Variants in EP400 observed in about 807,000 individuals in gnomAD.
The protein encoded by EP400 is E1A-binding protein p400.
In EP400, 105 loss-of-function variants were observed where a neutral mutation model predicts 354.1. That is an observed-to-expected ratio of 0.30 (90% CI 0.25 to 0.35). The LOEUF is 0.35. EP400 is among the 10% of genes least tolerant of loss of function. The pLI, the probability that EP400 is intolerant of heterozygous loss-of-function variation, is 1.00. For synonymous variants in EP400, 1,646 were observed against 1,716.9 expected (o/e 0.96, Z 1.02); for missense variants, 3,280 against 4,121.0 (o/e 0.80, Z 5.59).
intron 15 of EP400, 149 bp from the exon 16 acceptor site, chr12:132,011,349 C>T (rs1290530281): frequency 3.1e-6 from 3 of 953,514 alleles, no homozygotes; most frequent in Non-Finnish European, 4.7e-6. Context: ...CAGATGAATG[C>T]ACTTGTTCCC....
intron 12 of EP400, among the ~76,000 whole-genome samples, chr12:132,002,469 G>A (rs1017724772): frequency 2.0e-5 from 3 of 152,246 alleles, no homozygotes; most frequent in African/African-American, 7.2e-5. Context: ...TACTCTGTGG[G>A]GCAGAGTTTG....
In EP400 at chr12:131,982,109, G is replaced by T; in HGVS notation, c.1560G>T (p.Thr520=). 2.0e-6 allele frequency: 3 copies of T among 1,520,138 alleles called. No homozygotes were observed. Among genetic ancestry groups the T allele is most frequent in the Admixed American group, 4.3e-5 (2 of 46,142 alleles). The allele number at this position is 1,520,138 out of a possible 1,614,324, so 94.2% of individuals were successfully genotyped here. A position where few individuals can be genotyped will look rare whatever the true frequency, so the allele number is the denominator to read the frequency against. ...MPTAQGGMPP[T]PQAAQLAGQR... is the part of the protein sequence containing the mutation. ...ATTTTGCAGGAGGAATGCCCCCCAC[G>T]CCGCAGGCCGCGCAGCTCGCTGGAC... Residue 520 remains threonine, a synonymous_variant, in exon 5 of 53, where the codon ACG becomes ACT. Transcript: ENST00000389561.
chr12:132,020,340 C>T (rs1273076929), intron 22 of EP400, 122 bp downstream of exon 22: 23 of 1,169,228 alleles, frequency 2.0e-5, no homozygotes, highest in Admixed American at 6.3e-5. Flanking sequence ...AGGCACCACC[C>T]GCTGGCTTTC....
chr12:131,995,015 T>C (rs769227066), intron 12 of EP400, 59 bp downstream of exon 12: 6 of 1,482,160 alleles, frequency 4.0e-6, no homozygotes, highest in Middle Eastern at 1.7e-4. Flanking sequence ...TTAAAACATG[T>C]GAGATGTGAA....
chr12:131,974,516 A>G (rs911169335), intron 2 of EP400, among the ~76,000 whole-genome samples: 7 of 152,140 alleles, frequency 4.6e-5, no homozygotes, highest in Non-Finnish European at 8.8e-5. Context: ...AATACCATCA[A>G]TCTGTCCTTT....
rs1239594747 is a variant in EP400 at position 131,982,124 on chromosome 12, G to C, written c.1575G>C (p.Gln525His). The change falls in exon 5 of 53, where the codon CAG (glutamine) becomes CAC (histidine). Residue 525 changes from glutamine to histidine, a missense_variant. Physicochemically the swap from Gln to His is conservative, Grantham distance 24 (BLOSUM62 0). Transcript: ENST00000389561. ...GGMPPTPQAA[Q>H]LAGQRQSQQQ... Reference sequence around the variant, plus strand: ...TGCCCCCCACGCCGCAGGCCGCGCAGCTCGCTGGACAGAGGCAGAGTCAGC... The same window carrying C: ...TGCCCCCCACGCCGCAGGCCGCGCACCTCGCTGGACAGAGGCAGAGTCAGC... The C allele has an allele frequency of 6.4e-7, 1 of 1,553,122 alleles. No homozygotes were observed. The highest frequency in any genetic ancestry group is 1.2e-5 in the South Asian group (1 of 85,434).
chr12:131,962,469 A>G (rs934473609), intron 2 of EP400, among the ~76,000 whole-genome samples: 3 of 152,372 alleles, frequency 2.0e-5, no homozygotes, highest in East Asian at 1.9e-4. Flanking sequence ...ATAACCAGCC[A>G]TAAGTCACTA....
intron 45 of EP400, among the ~76,000 whole-genome samples, chr12:132,058,395 C>T (rs1442930958): frequency 6.7e-6 from 1 of 148,156 alleles, no homozygotes; most frequent in Non-Finnish European, 1.5e-5. Context: ...CTCCCTGTCA[C>T]CCAGGCTAAA....
rs371912460 is a variant in EP400, at chr12:132,025,746, C to T, written c.4956C>T (p.Gly1652=). ...TGTCTCAGGCGGGCGCTGTGCACGGCGCCCTGGGAAGCAAGCCCCCGGCCG... is the reference window on the plus strand; with the variant it reads ...TGTCTCAGGCGGGCGCTGTGCACGGTGCCCTGGGAAGCAAGCCCCCGGCCG... ...QTVSQAGAVH[G]ALGSKPPAGG... Residue 1652 remains glycine, a synonymous_variant, in exon 25 of 53, where the codon GGC becomes GGT. Coordinates refer to ENST00000389561, the MANE Select transcript of EP400 (RefSeq NM_015409.5). The surrounding 1 kb of genome is among the most constrained non-coding windows in gnomAD (Gnocchi z 4.1). The T allele has an allele frequency of 2.0e-5, 33 of 1,612,486 alleles. No individual in the cohort carries two copies. The highest frequency in any genetic ancestry group is 2.0e-4 in the South Asian group (18 of 90,954).
chr12:132,067,576 T>G lies in EP400; in HGVS notation c.8874+90T>G, dbSNP rs1039339497. 2 of 1,520,852 alleles carry G rather than the reference T, an allele frequency of 1.3e-6. No individual in the cohort carries two copies. Among genetic ancestry groups the G allele is most frequent in the African/African-American group, 2.8e-5 (2 of 72,624 alleles). 94.2% of individuals were successfully genotyped at this position (1,520,852 alleles called of 1,614,324 possible). On this transcript the variant is annotated intron_variant, in intron 50 of 52. Coordinates refer to ENST00000389561, the MANE Select transcript of EP400 (RefSeq NM_015409.5). The surrounding 1 kb of genome is among the most constrained non-coding windows in gnomAD (Gnocchi z 5.3). ...AGGGTCCTAAGCAGACAAATCCCCA[T>G]GTGGCGGCTCACGCTTTTCAGAGGG...
chr12:132,003,174 C>T (rs115814769), intron 12 of EP400, among the ~76,000 whole-genome samples: 6,824 of 149,076 alleles, frequency 0.046, 180 homozygotes, highest in African/African-American at 0.071. Flanking sequence ...AGCAAGACCC[C>T]ATCTCTAAAA....
At chr12:131,977,413 G>A (rs1304448303) in intron 2 of EP400, among the ~76,000 whole-genome samples, 3 of 151,594 alleles carry the variant, frequency 2.0e-5, no homozygotes, top group Admixed American at 6.6e-5. Flanking sequence ...GATTACAGGC[G>A]TGAGCCACCA....
intron 52 of EP400, 27 bp from the exon 53 acceptor site, chr12:132,077,372 ATG>A: frequency 6.3e-7 from 1 of 1,595,344 alleles, no homozygotes; most frequent in Non-Finnish European, 8.6e-7. Flanking sequence ...TTCCTGGGCA[ATG>A]TGTGTTTTCT....
At chr12:132,046,732 A>G (rs1895110102) in intron 39 of EP400, among the ~76,000 whole-genome samples, 1 of 152,174 alleles carries the variant, frequency 6.6e-6, no homozygotes, top group African/African-American at 2.4e-5. Flanking sequence ...GGCTTTCTTC[A>G]GGCAGCTCCT....
chr12:132,069,427 G>A, intron 50 of EP400, 68 bp from the exon 51 acceptor site: 2 of 1,576,174 alleles, frequency 1.3e-6, no homozygotes, highest in Non-Finnish European at 1.7e-6. Flanking sequence ...GCCCAGAGCG[G>A]GCAGGCGTCC....
At chr12:131,959,695 C>G (rs574245762) in intron 1 of EP400, among the ~76,000 whole-genome samples, 1 of 152,346 alleles carries the variant, frequency 6.6e-6, no homozygotes, top group African/African-American at 2.4e-5. Context: ...CTCCTTCTCT[C>G]TCCCTTGAGA....
In EP400 at chr12:131,990,511, C is replaced by A; in HGVS notation, c.2551-125C>A. ...TAGTATGAAATAAATGAAAAAGCACCAAACTGACGAGGCTGGAAAACACTG... is the reference window on the plus strand; with the variant it reads ...TAGTATGAAATAAATGAAAAAGCACAAAACTGACGAGGCTGGAAAACACTG... On this transcript the variant is annotated intron_variant, in intron 8 of 52. Coordinates refer to ENST00000389561, the MANE Select transcript of EP400 (RefSeq NM_015409.5). The surrounding 1 kb of genome is among the most constrained non-coding windows in gnomAD (Gnocchi z 4.2). 1.4e-6 allele frequency: 1 copy of A among 709,382 alleles called. No homozygotes were observed. Among genetic ancestry groups the A allele is most frequent in the Non-Finnish European group, 2.3e-6 (1 of 427,074 alleles). The allele number at this position is 709,382 out of a possible 1,614,324, so 43.9% of individuals were successfully genotyped here.
At position 132,062,167 on chromosome 12, in the gene EP400, G is replaced by T; in HGVS notation, c.7942G>T (p.Val2648Phe). 1 of 1,614,066 alleles carries T rather than the reference G, an allele frequency of 6.2e-7. No homozygotes were observed. The highest frequency in any genetic ancestry group is 1.7e-5 in the Admixed American group (1 of 60,014). Residue 2648 changes from valine to phenylalanine, a missense_variant, in exon 46 of 53, where the codon GTC becomes TTC. By Grantham distance (50) the Val-to-Phe change is conservative. Transcript: ENST00000389561. ...VVHTQPPPRAVGSPATATPDL... is the reference protein window; with the variant it reads ...VVHTQPPPRAFGSPATATPDL... ...GCACACCCAGCCCCCGCCACGGGCA[G>T]TCGGCTCCCCAGCCACGGCGACCCC...
rs1267300482 is a variant in EP400 at position 131,998,825 on chromosome 12, A to T, written c.2827+3869A>T. Among the ~76,000 whole-genome samples the T allele has an allele frequency of 6.1e-4, 17 of 28,020 alleles. No homozygotes were observed. In the South Asian group the frequency reaches 0.011, roughly 18 times the overall value. 18.4% of individuals were successfully genotyped at this position (28,020 alleles called of 152,430 possible). ...TTTGTATACAGTCTTGTATACAAAG[A>T]CTTTGTATACAGTCTTGTATACAAA... On this transcript the variant is annotated intron_variant, in intron 12 of 52. Coordinates refer to ENST00000389561, the MANE Select transcript of EP400 (RefSeq NM_015409.5).
Sources: gnomAD v4.1 joint callset for allele counts (sites outside exome capture counted in the v4.1 genomes callset) on GRCh38, gnomAD v4.1.1 for gene constraint, Gnocchi (gnomAD v3.1) non-coding constraint, MANE v1.5 for transcripts, NCBI Gene and HGNC (gene_info 2026-07-23, HGNC 2026-07-21) for gene names.